SLC24A3: variants seen among roughly 807,000 people sequenced by gnomAD.
The protein encoded by SLC24A3 is solute carrier family 24 member 3.
A neutral mutation model predicts 75.8 loss-of-function variants in SLC24A3; 28 were observed. The observed-to-expected ratio is 0.37, with a 90% CI of 0.27 to 0.51. The LOEUF (loss-of-function observed/expected upper bound fraction) is 0.51, where lower values mean the gene tolerates loss of function less well. Ranked by LOEUF, SLC24A3 falls within the 20% of genes least tolerant of loss-of-function variation. SLC24A3 has a pLI of 0.94. For synonymous variants in SLC24A3, 372 were observed against 334.1 expected (o/e 1.11, Z -1.24); for missense variants, 663 against 847.8 (o/e 0.78, Z 2.71).
At chr20:19,470,207 T>TGA (rs1987845970) in intron 2 of SLC24A3, among the ~76,000 whole-genome samples, 1 of 152,210 alleles carries the variant, frequency 6.6e-6, no homozygotes, top group Non-Finnish European at 1.5e-5. Flanking sequence ...TATCCTTTCT[T>TGA]TTCCATCTGC....
intron 3 of SLC24A3, among the ~76,000 whole-genome samples, chr20:19,529,495 A>C (rs1371270254): frequency 6.6e-6 from 1 of 152,050 alleles, no homozygotes; most frequent in Non-Finnish European, 1.5e-5. Context: ...TCTCCTCTCC[A>C]TCTCCACAAG....
At chr20:19,596,179 A>C (rs1470666398) in intron 6 of SLC24A3, among the ~76,000 whole-genome samples, 1 of 152,160 alleles carries the variant, frequency 6.6e-6, no homozygotes, top group African/African-American at 2.4e-5. Context: ...TTGGCAGAGA[A>C]AGGATACTAC....
chr20:19,253,485 T>C (rs1982723371), intron 1 of SLC24A3, among the ~76,000 whole-genome samples: 1 of 152,212 alleles, frequency 6.6e-6, no homozygotes, highest in South Asian at 2.1e-4. Context: ...CATGTTGTAT[T>C]TGCTTCTGGC....
intron 14 of SLC24A3, 53 bp downstream of exon 14, chr20:19,696,964 A>C: frequency 6.1e-6 from 2 of 328,508 alleles, no homozygotes; most frequent in Non-Finnish European, 6.0e-6. Context: ...GAGGAGAGGG[A>C]GGGAAGAAGG....
At chr20:19,452,624 G>C (rs1301666253) in intron 2 of SLC24A3, among the ~76,000 whole-genome samples, 3 of 152,028 alleles carry the variant, frequency 2.0e-5, no homozygotes, top group Non-Finnish European at 4.4e-5. Context: ...GCATCATACA[G>C]GGGTCCTGGG....
At chr20:19,419,663 G>A (rs1986884076) in intron 2 of SLC24A3, among the ~76,000 whole-genome samples, 1 of 152,014 alleles carries the variant, frequency 6.6e-6, no homozygotes, top group African/African-American at 2.4e-5. Context: ...CAGCCTCCTG[G>A]GTAGGATCTT....
At chr20:19,620,201 A>G (rs2031785649) in intron 6 of SLC24A3, among the ~76,000 whole-genome samples, 1 of 152,348 alleles carries the variant, frequency 6.6e-6, no homozygotes, top group Non-Finnish European at 1.5e-5. Flanking sequence ...CTAGTTAGGC[A>G]GATCTTTTTA....
rs147493736 is a variant in SLC24A3 at position 19,502,731 on chromosome 20, T to C, written c.272-12757T>C. 2.4e-4 allele frequency among the ~76,000 whole-genome samples: 36 copies of C among 151,330 alleles called. No homozygotes were observed. In the East Asian group the frequency reaches 7.0e-3, roughly 30 times the overall value. ...ACCATCCATGAAGTCAAATATATAA[T>C]AAAAAAAATTAATAGAAGACCGGGT... On this transcript the variant is annotated intron_variant, in intron 2 of 16. Coordinates refer to ENST00000328041, the MANE Select transcript of SLC24A3 (RefSeq NM_020689.4).
chr20:19,328,006 G>A (rs1200720570), intron 2 of SLC24A3, among the ~76,000 whole-genome samples: 1 of 152,156 alleles, frequency 6.6e-6, no homozygotes, highest in Non-Finnish European at 1.5e-5. Context: ...CAAGGTGAGA[G>A]GGATGACAAG....
intron 3 of SLC24A3, among the ~76,000 whole-genome samples, chr20:19,521,084 T>C (rs959713238): frequency 9.2e-5 from 14 of 152,126 alleles, no homozygotes; most frequent in African/African-American, 2.9e-4. Context: ...ATTCCTAGCC[T>C]AGCAGAGTAC....
intron 6 of SLC24A3, among the ~76,000 whole-genome samples, chr20:19,593,549 A>G (rs1276052978): frequency 6.6e-6 from 1 of 152,222 alleles, no homozygotes; most frequent in Non-Finnish European, 1.5e-5. Flanking sequence ...TCCTGGAGAA[A>G]GACATTGTTG....
intron 3 of SLC24A3, among the ~76,000 whole-genome samples, chr20:19,525,132 G>A (rs2030174925): frequency 6.6e-6 from 1 of 152,100 alleles, no homozygotes; most frequent in Admixed American, 6.5e-5. Context: ...TCTCTCCCAA[G>A]CCAGCCCCCC....
chr20:19,466,773 C>T (rs368434553), intron 2 of SLC24A3, among the ~76,000 whole-genome samples: 7 of 151,344 alleles, frequency 4.6e-5, no homozygotes, highest in African/African-American at 1.2e-4. Context: ...AAGCACCTCT[C>T]GTCTTTCGAA....
chr20:19,294,327 G>A (rs994863106), intron 2 of SLC24A3, among the ~76,000 whole-genome samples: 2 of 152,080 alleles, frequency 1.3e-5, no homozygotes, highest in Admixed American at 1.3e-4. Context: ...CTGGGATACA[G>A]GTGCAGGATA....
chr20:19,466,709 C>T (rs1361724483), intron 2 of SLC24A3, among the ~76,000 whole-genome samples: 1 of 152,142 alleles, frequency 6.6e-6, no homozygotes, highest in African/African-American at 2.4e-5. Flanking sequence ...AAAAGGTCCA[C>T]AGAGATGCTA....
intron 2 of SLC24A3, among the ~76,000 whole-genome samples, chr20:19,461,272 A>C (rs182872278): frequency 5.6e-4 from 85 of 152,278 alleles, no homozygotes; most frequent in African/African-American, 2.0e-3. Context: ...CCTCCACCTT[A>C]AGTTTGGATT....
chr20:19,620,023 C>T lies in SLC24A3; in HGVS notation c.613-34039C>T, dbSNP rs1434079473. 3.3e-5 allele frequency among the ~76,000 whole-genome samples: 5 copies of T among 152,164 alleles called. No homozygotes were observed. In the East Asian group the frequency reaches 9.6e-4, roughly 29 times the overall value. ...AGGGTCACAAGACCACCCACCTTGG[C>T]CCACCAACCCTCTTTTGCATTTTCA... On this transcript the variant is annotated intron_variant, in intron 6 of 16. Coordinates refer to ENST00000328041, the MANE Select transcript of SLC24A3 (RefSeq NM_020689.4).
At chr20:19,622,725 T>C (rs1490861169) in intron 6 of SLC24A3, among the ~76,000 whole-genome samples, 3 of 152,198 alleles carry the variant, frequency 2.0e-5, no homozygotes, top group Non-Finnish European at 4.4e-5. Flanking sequence ...TTTGTGTTGC[T>C]ATAAAAGAAA....
At position 19,414,867 on chromosome 20, in the gene SLC24A3, C is replaced by G. The variant is rs532541891; in HGVS notation, c.272-100621C>G. ...CATCATATCACGTTTCCCTTTCTGC[C>G]TTGGCTGTCAAAAACCTAAGGCCAA... On this transcript the variant is annotated intron_variant, in intron 2 of 16. Coordinates refer to ENST00000328041, the MANE Select transcript of SLC24A3 (RefSeq NM_020689.4). Among the ~76,000 whole-genome samples, 4 of 152,220 alleles carry G rather than the reference C, an allele frequency of 2.6e-5. No homozygotes were observed. In the South Asian group the frequency reaches 8.3e-4, roughly 32 times the overall value.
Sources: gnomAD v4.1 joint callset for allele counts (sites outside exome capture counted in the v4.1 genomes callset) on GRCh38, gnomAD v4.1.1 for gene constraint, MANE v1.5 for transcripts, NCBI Gene and HGNC (gene_info 2026-07-23, HGNC 2026-07-21) for gene names.